DPEP3: variants seen among roughly 807,000 people sequenced by gnomAD.
DPEP3 encodes membrane-bound dipeptidase 3.
A neutral mutation model predicts 47.5 loss-of-function variants in DPEP3; 42 were observed. That is an observed-to-expected ratio of 0.88 (90% CI 0.69 to 1.14). The LOEUF (loss-of-function observed/expected upper bound fraction) is 1.14, where lower values mean the gene tolerates loss of function less well. Ranked by LOEUF, DPEP3 falls within the 50% of genes most tolerant of loss-of-function variation. The probability of loss-of-function intolerance (pLI) is 0.00; values close to 1 mark genes in which losing one functional copy is unlikely to be tolerated. For missense variants in DPEP3, 560 were observed against 635.0 expected, an observed-to-expected ratio of 0.88 and a Z score of 1.27; for synonymous variants, 276 against 270.2, an observed-to-expected ratio of 1.02 and a Z score of -0.21.
rs755854981 is a variant in DPEP3, at chr16:67,977,720, GAGA to G, written c.863_865del (p.Phe288del). The G allele has an allele frequency of 4.2e-5, 67 of 1,613,168 alleles. No homozygotes were observed. The highest frequency in any genetic ancestry group is 5.4e-5 in the Non-Finnish European group (64 of 1,179,554). ...ACACACAGCTCTGGCAGCTGAGTGG[GAGA>G]AGATCACAGGAGCCTGAGACACTTC... On this transcript the variant is annotated inframe_deletion, in exon 6 of 10. Coordinates refer to ENST00000268793, the MANE Select transcript of DPEP3 (RefSeq NM_001370198.1).
chr16:67,978,433 G>C lies in DPEP3; in HGVS notation c.545-25C>G. The C allele has an allele frequency of 2.5e-6, 4 of 1,613,984 alleles. No individual in the cohort carries two copies. The highest frequency in any genetic ancestry group is 3.4e-6 in the Non-Finnish European group (4 of 1,179,884). The stretch of plus-strand genomic sequence containing the variant: ...CCTAGAAGGAGGTAGAGAGTCAAGT[G>C]GTTAGATCCCAGGAACAGAACCTCC... On this transcript the variant is annotated intron_variant, in intron 3 of 9. Transcript: ENST00000268793. This position sits in a 1 kb window ranked among gnomAD's most constrained non-coding sequence, Gnocchi z 4.4.
intron 2 of DPEP3, 86 bp downstream of exon 2, chr16:67,979,553 C>T: frequency 6.4e-7 from 1 of 1,570,766 alleles, no homozygotes; most frequent in South Asian, 1.2e-5. Context: ...TGTATTTAGT[C>T]ACCCAGAGGC....
rs1254040187 is a variant in DPEP3 at position 67,979,702 on chromosome 16, C to T, written c.351G>A (p.Leu117=). 3.7e-6 allele frequency: 6 copies of T among 1,614,040 alleles called. No individual in the cohort carries two copies. Among genetic ancestry groups the T allele is most frequent in the South Asian group, 2.2e-5 (2 of 91,082 alleles). ...RYKNVLQDVN[L]RNFSHGQTSL... ...TGGTCTGACCATGGCTGAAATTTCGCAGGTTAACATCCTGAAGCACATTCT... is the reference window on the plus strand; with the variant it reads ...TGGTCTGACCATGGCTGAAATTTCGTAGGTTAACATCCTGAAGCACATTCT... Residue 117 remains leucine, a synonymous_variant, in exon 2 of 10, where the codon CTG becomes CTA. Transcript: ENST00000268793.
chr16:67,978,378 A>G lies in DPEP3; in HGVS notation c.575T>C (p.Leu192Pro), dbSNP rs542545596. Residue 192 changes from leucine (L) to proline (P), a missense_variant, in exon 4 of 10, where the codon CTC becomes CCC. Transcript: ENST00000268793. This position sits in a 1 kb window ranked among gnomAD's most constrained non-coding sequence, Gnocchi z 4.4. ...GLNSSQKLAC[L>P]IGVEGGHSLD... ...TGAGTGACCACCCTCCACGCCAATG[A>G]GGCAGGCCAGCTTTTGAGAGCTGTT... 32 of 1,614,044 alleles carry G rather than the reference A, an allele frequency of 2.0e-5. No homozygotes were observed. In the Admixed American group the frequency reaches 4.2e-4, roughly 21 times the overall value.
rs962891171 is a variant in DPEP3, at chr16:67,977,642, T to A, written c.933+11A>T. The stretch of plus-strand genomic sequence containing the variant: ...CACATGCCTAGTTTGAGAGCTGGGA[T>A]GGCCACTCACCAGAAGCTGCAGGAT... On this transcript the variant is annotated intron_variant, in intron 6 of 9. Coordinates refer to ENST00000268793, the MANE Select transcript of DPEP3 (RefSeq NM_001370198.1). 1 of 1,607,360 alleles carries A rather than the reference T, an allele frequency of 6.2e-7. No individual in the cohort carries two copies. The highest frequency in any genetic ancestry group is 8.5e-7 in the Non-Finnish European group (1 of 1,176,958).
At position 67,977,845 on chromosome 16, in the gene DPEP3, G is replaced by T. The variant is rs747092554; in HGVS notation, c.757-16C>A. 1.5e-5 allele frequency: 25 copies of T among 1,613,760 alleles called. No individual in the cohort carries two copies. The highest frequency in any genetic ancestry group is 2.1e-5 in the Non-Finnish European group (25 of 1,179,726). On this transcript the variant is annotated splice_polypyrimidine_tract_variant and intron_variant, in intron 5 of 9. Transcript: ENST00000268793. ...CTACTACTTTCTGCAGAAACAATTAGGTTTTTTTGTGGGGGAGGGTGTTGG... is the reference window on the plus strand; with the variant it reads ...CTACTACTTTCTGCAGAAACAATTATGTTTTTTTGTGGGGGAGGGTGTTGG...
chr16:67,979,066 A>T (rs868597696), intron 2 of DPEP3, among the ~76,000 whole-genome samples: 1 of 152,202 alleles, frequency 6.6e-6, no homozygotes, highest in Non-Finnish European at 1.5e-5. Flanking sequence ...ACACTGTGGG[A>T]GGCCGAGGAG....
intron 1 of DPEP3, 129 bp downstream of exon 1, chr16:67,979,962 TGGA>T: frequency 1.5e-6 from 2 of 1,378,468 alleles, no homozygotes; most frequent in Non-Finnish European, 9.8e-7. Context: ...CCATGGGTGA[TGGA>T]GGAGAGAGGG....
rs945182803 is a variant in DPEP3, at chr16:67,979,883, C to A, written c.288-118G>T. ...CCTCCTCACACAGACCATATAGAGA[C>A]CTCCTGAGGTTGGGTTGGAGGGAGG... On this transcript the variant is annotated intron_variant, in intron 1 of 9. Transcript: ENST00000268793. 1.6e-5 allele frequency: 24 copies of A among 1,472,310 alleles called. No individual in the cohort carries two copies. In the African/African-American group the frequency reaches 3.1e-4, roughly 19 times the overall value. The allele number at this position is 1,472,310 out of a possible 1,614,324, so 91.2% of individuals were successfully genotyped here. A position where few individuals can be genotyped will look rare whatever the true frequency, so the allele number is the denominator to read the frequency against.
rs762062642 is a variant in DPEP3 at position 67,980,231 on chromosome 16, G to A, written c.150C>T (p.Gly50=). ...PGAPRALSTL[G]SPSLFTTPGV... ...CCGGCGTGGTGAAGAGGCTGGGGGA[G>A]CCCAGCGTGGAGAGGGCTCTGGGGG... Residue 50 remains glycine, a synonymous_variant, in exon 1 of 10, where the codon GGC becomes GGT. Coordinates refer to ENST00000268793, the MANE Select transcript of DPEP3 (RefSeq NM_001370198.1). 6.8e-6 allele frequency: 11 copies of A among 1,608,424 alleles called. No individual in the cohort carries two copies. Among genetic ancestry groups the A allele is most frequent in the South Asian group, 1.1e-5 (1 of 90,580 alleles).
intron 1 of DPEP3, 95 bp from the exon 2 acceptor site, chr16:67,979,860 TC>T: frequency 6.5e-7 from 1 of 1,535,320 alleles, no homozygotes; most frequent in Non-Finnish European, 8.8e-7. Context: ...ACCAGGCACC[TC>T]CTCACACAGA....
chr16:67,977,895 C>T (rs745518568), intron 5 of DPEP3, 43 bp downstream of exon 5: 27 of 1,613,730 alleles, frequency 1.7e-5, no homozygotes, highest in African/African-American at 2.7e-5. Flanking sequence ...CACACATATC[C>T]GTAGGCAGCA....
intron 7 of DPEP3, among the ~76,000 whole-genome samples, chr16:67,977,041 G>T (rs1360801451): frequency 6.6e-6 from 1 of 152,192 alleles, no homozygotes. Flanking sequence ...GAGATGTGGG[G>T]AATGAGAGAA....
At position 67,978,207 on chromosome 16, in the gene DPEP3, C is replaced by T; in HGVS notation, c.686+60G>A. 2 of 1,611,022 alleles carry T rather than the reference C, an allele frequency of 1.2e-6. No individual in the cohort carries two copies. Among genetic ancestry groups the T allele is most frequent in the East Asian group, 4.5e-5 (2 of 44,840 alleles). On this transcript the variant is annotated intron_variant, in intron 4 of 9. Transcript: ENST00000268793. This position sits in a 1 kb window ranked among gnomAD's most constrained non-coding sequence, Gnocchi z 4.4. ...CTCAACGGCTTGGTCACACCCATGC[C>T]AGGAATGGGGCAGTTTCCACACCAT...
Position 67,976,223 on chromosome 16 carries a change from G to C in DPEP3, c.1100C>G (p.Pro367Arg), listed in dbSNP as rs1461842179. The C allele has an allele frequency of 1.9e-5, 30 of 1,614,014 alleles. No individual in the cohort carries two copies. The Admixed American group carries it at 4.7e-4, about 25-fold the overall frequency. ...GGNYDGTGRF[P>R]QGLEDVSTYP... The stretch of plus-strand genomic sequence containing the variant: ...TGTGGACACATCCTCCAGCCCCTGA[G>C]GGAACCTGTGTGGCCACCCACCAGC... Residue 367 changes from proline to arginine, a missense_variant, in exon 9 of 10, where the codon CCT (proline) becomes CGT (arginine). Physicochemically the swap from Pro to Arg is moderately radical, Grantham distance 103. Coordinates refer to ENST00000268793, the MANE Select transcript of DPEP3 (RefSeq NM_001370198.1).
chr16:67,978,576 G>T lies in DPEP3; in HGVS notation c.465C>A (p.Arg155=), dbSNP rs1454442657. The T allele has an allele frequency of 1.2e-6, 2 of 1,613,834 alleles. No homozygotes were observed. The highest frequency in any genetic ancestry group is 2.7e-5 in the African/African-American group (2 of 74,888). The change falls in exon 3 of 10, where the codon CGC becomes CGA. Residue 155 remains arginine (R), a synonymous_variant. Transcript: ENST00000268793. This position sits in a 1 kb window ranked among gnomAD's most constrained non-coding sequence, Gnocchi z 4.4. The part of the protein sequence containing the change: ...SCQSQDQTAV[R]LALEQIDLIH... ...TGAGGTCAATCTGCTCCAGGGCGAG[G>T]CGCACGGCAGTCTGGTCCTGGGACT...
At chr16:67,979,569 G>A (rs2031275818) in intron 2 of DPEP3, 70 bp downstream of exon 2, 8 of 1,595,562 alleles carry the variant, frequency 5.0e-6, no homozygotes, top group Non-Finnish European at 5.1e-6. Context: ...GAGGCTGGCT[G>A]ACCCAGGTTT....
In DPEP3 at chr16:67,978,124, T is replaced by C; in HGVS notation, c.687-117A>G. 1 of 1,574,336 alleles carries C rather than the reference T, an allele frequency of 6.4e-7. No homozygotes were observed. On this transcript the variant is annotated intron_variant, in intron 4 of 9. Transcript: ENST00000268793. The surrounding 1 kb of genome is among the most constrained non-coding windows in gnomAD (Gnocchi z 4.4). The stretch of plus-strand genomic sequence containing the variant: ...CAGAACAGGTGCAGAACCAGCTGCT[T>C]TCTGGGATTGTGAGGGACCCACTGG...
chr16:67,978,731 C>T lies in DPEP3; in HGVS notation c.415-105G>A. On this transcript the variant is annotated intron_variant, in intron 2 of 9. Transcript: ENST00000268793. This position sits in a 1 kb window ranked among gnomAD's most constrained non-coding sequence, Gnocchi z 4.4. The stretch of plus-strand genomic sequence containing the variant: ...CATAACACCCATTTGGGTCAGTGGC[C>T]CCAAGTGAGGCACTACATGACTCCA... The T allele has an allele frequency of 7.3e-7, 1 of 1,379,262 alleles. No individual in the cohort carries two copies. The highest frequency in any genetic ancestry group is 1.0e-6 in the Non-Finnish European group (1 of 1,001,604). 85.4% of individuals were successfully genotyped at this position (1,379,262 alleles called of 1,614,324 possible).
Sources: gnomAD v4.1 joint callset for allele counts (sites outside exome capture counted in the v4.1 genomes callset) on GRCh38, gnomAD v4.1.1 for gene constraint, Gnocchi (gnomAD v3.1) non-coding constraint, MANE v1.5 for transcripts, NCBI Gene and HGNC (gene_info 2026-07-23, HGNC 2026-07-21) for gene names.